The following ABCC2 variants were observed in gnomAD, a reference collection of about 807,000 sequenced individuals.
The protein encoded by ABCC2 is ATP-binding cassette sub-family C member 2.
ABCC2 carries 157 observed loss-of-function variants against 173.4 expected under a neutral mutation model. The observed-to-expected ratio is 0.91, with a 90% CI of 0.80 to 1.03. ABCC2 has a LOEUF of 1.03. Ranked by LOEUF, ABCC2 falls within the 50% of genes least tolerant of loss-of-function variation. The pLI is 0.00. For synonymous variants in ABCC2, 657 were observed against 693.5 expected, an observed-to-expected ratio of 0.95 and a Z score of 0.83; for missense variants, 1,822 against 1,852.3, an observed-to-expected ratio of 0.98 and a Z score of 0.30.
rs778300481 is a variant in ABCC2 at position 99,784,710 on chromosome 10, T to C, written c.136T>C (p.Trp46Arg). The C allele has an allele frequency of 1.1e-5, 18 of 1,614,106 alleles. No individual in the cohort carries two copies. In the Middle Eastern group the frequency reaches 1.5e-3, roughly 133 times the overall value. The change falls in exon 2 of 32, where the codon TGG becomes CGG. Residue 46 changes from tryptophan to arginine, a missense_variant. Coordinates refer to ENST00000647814, the MANE Select transcript of ABCC2 (RefSeq NM_000392.5). Reference protein sequence around the residue: ...PLGYLWLLAPWQLLHVYKSRT... With the variant: ...PLGYLWLLAPRQLLHVYKSRT... ...GGGCTACCTATGGCTCCTGGCCCCC[T>C]GGCAGCTTCTCCACGTGTATAAATC...
At chr10:99,838,134 C>T (rs1281351045) in intron 25 of ABCC2, among the ~76,000 whole-genome samples, 14 of 80,558 alleles carry the variant, frequency 1.7e-4, no homozygotes, top group Admixed American at 4.3e-4. Context: ...CCGGACGGGG[C>T]GGCTGGCCGG....
intron 12 of ABCC2, among the ~76,000 whole-genome samples, 162 bp from the exon 13 acceptor site, chr10:99,807,921 A>G (rs1192379673): frequency 6.6e-6 from 1 of 152,138 alleles, no homozygotes; most frequent in Non-Finnish European, 1.5e-5. Flanking sequence ...CTTGGAGAAG[A>G]TATTTCCTCC....
chr10:99,822,773 TTTTG>T (rs919010156), intron 19 of ABCC2, among the ~76,000 whole-genome samples: 1 of 152,218 alleles, frequency 6.6e-6, no homozygotes, highest in African/African-American at 2.4e-5. Flanking sequence ...TCCTGCTTCT[TTTTG>T]TTTAACTAAT....
At chr10:99,849,152 C>A (rs2039056038) in intron 30 of ABCC2, among the ~76,000 whole-genome samples, 1 of 152,176 alleles carries the variant, frequency 6.6e-6, no homozygotes, top group Admixed American at 6.5e-5. Context: ...ATCGCTTGAA[C>A]CCGGGTGGCG....
chr10:99,809,179 C>A (rs1402545367), intron 13 of ABCC2, among the ~76,000 whole-genome samples: 1 of 151,960 alleles, frequency 6.6e-6, no homozygotes, highest in Non-Finnish European at 1.5e-5. Flanking sequence ...ATGGTGAAAC[C>A]CCATCTCTAC....
intron 24 of ABCC2, among the ~76,000 whole-genome samples, chr10:99,834,784 G>A (rs182660631): frequency 6.6e-6 from 1 of 152,296 alleles, no homozygotes; most frequent in East Asian, 1.9e-4. Context: ...TTCACTCCCT[G>A]GAAGCTTAGG....
Position 99,804,208 on chromosome 10 carries a change from G to T in ABCC2, c.1399G>T (p.Val467Phe). ...GTTGGGACCCTCAGTCTTAGCAGGT[G>T]TTGGGGTGATGGTGCTTGTAATCCC... ...RELGPSVLAG[V>F]GVMVLVIPIN... The change falls in exon 10 of 32, where the codon GTT becomes TTT. Residue 467 changes from valine to phenylalanine, a missense_variant. By Grantham distance (50) the Val-to-Phe change is conservative (BLOSUM62 -1). Transcript: ENST00000647814. 6.2e-7 allele frequency: 1 copy of T among 1,614,158 alleles called. No homozygotes were observed. The highest frequency in any genetic ancestry group is 8.5e-7 in the Non-Finnish European group (1 of 1,180,008).
At chr10:99,821,437 A>G (rs1159183364) in intron 19 of ABCC2, among the ~76,000 whole-genome samples, 2 of 152,146 alleles carry the variant, frequency 1.3e-5, no homozygotes, top group East Asian at 3.9e-4. Context: ...ACGAGGCCAT[A>G]TTTCAGACTA....
chr10:99,793,315 T>G (rs2132970011), intron 3 of ABCC2, among the ~76,000 whole-genome samples: 1 of 152,296 alleles, frequency 6.6e-6, no homozygotes, highest in African/African-American at 2.4e-5. Context: ...TTCTACATTC[T>G]TGGCTAACAT....
At position 99,826,489 on chromosome 10, in the gene ABCC2, C is replaced by T. The variant is rs1199490794; in HGVS notation, c.2621-3818C>T. Among the ~76,000 whole-genome samples, 6 of 151,854 alleles carry T rather than the reference C, an allele frequency of 4.0e-5. No individual in the cohort carries two copies. In the East Asian group the frequency reaches 7.8e-4, roughly 20 times the overall value. On this transcript the variant is annotated intron_variant, in intron 19 of 31. Coordinates refer to ENST00000647814, the MANE Select transcript of ABCC2 (RefSeq NM_000392.5). ...TAGGGCTCTTTCGAACCTTGTCTTACTGTATTAAATGAGGGGCAGGCGCTT... is the reference window on the plus strand; with the variant it reads ...TAGGGCTCTTTCGAACCTTGTCTTATTGTATTAAATGAGGGGCAGGCGCTT...
chr10:99,799,673 A>G (rs191118296), intron 8 of ABCC2, among the ~76,000 whole-genome samples: 13 of 152,206 alleles, frequency 8.5e-5, no homozygotes, highest in Admixed American at 5.9e-4. Flanking sequence ...AGTGGCGGGT[A>G]GCATACCCCT....
intron 9 of ABCC2, among the ~76,000 whole-genome samples, chr10:99,801,141 T>G (rs2038009621): frequency 1.3e-5 from 2 of 152,328 alleles, no homozygotes; most frequent in Non-Finnish European, 2.9e-5. Flanking sequence ...TCATGCTGAT[T>G]ACTGAGTTCT....
At chr10:99,830,618 T>G in intron 20 of ABCC2, 98 bp from the exon 21 acceptor site, 1 of 1,594,982 alleles carries the variant, frequency 6.3e-7, no homozygotes, top group Non-Finnish European at 8.6e-7. Flanking sequence ...TCATCTGCCC[T>G]GAAATGCGCT....
rs759834448 is a variant in ABCC2, at chr10:99,836,297, C to A, written c.3614+7C>A. On this transcript the variant is annotated splice_region_variant and intron_variant, in intron 25 of 31. Transcript: ENST00000647814. ...CCTGGATCACCTCCAACAGGTGAGG[C>A]TTCCCCTGGGTATTTACCCATGTGT... is the stretch of plus-strand genomic sequence containing the variant. 1.2e-6 allele frequency: 2 copies of A among 1,614,100 alleles called. No individual in the cohort carries two copies. The highest frequency in any genetic ancestry group is 2.2e-5 in the South Asian group (2 of 91,086).
intron 11 of ABCC2, among the ~76,000 whole-genome samples, chr10:99,806,400 T>C (rs998289838): frequency 1.3e-5 from 2 of 152,188 alleles, no homozygotes; most frequent in African/African-American, 4.8e-5. Flanking sequence ...ATTTGAAGTT[T>C]GTAAAACCCA....
chr10:99,814,271 A>G lies in ABCC2; in HGVS notation c.2094+1127A>G, dbSNP rs1446354153. On this transcript the variant is annotated intron_variant, in intron 16 of 31. Coordinates refer to ENST00000647814, the MANE Select transcript of ABCC2 (RefSeq NM_000392.5). ...CACGTATGTATACACACGTATGTAT[A>G]CACACGTATGTATACACACACGTAT... 6.8e-5 allele frequency among the ~76,000 whole-genome samples: 2 copies of G among 29,254 alleles called. 1 individual carries two copies. The highest frequency in any genetic ancestry group is 1.4e-4 in the Non-Finnish European group (2 of 14,042). The allele number at this position is 29,254 out of a possible 152,430, so 19.2% of individuals were successfully genotyped here.
chr10:99,850,921 A>G, intron 31 of ABCC2, 125 bp downstream of exon 31: 1 of 1,214,556 alleles, frequency 8.2e-7, no homozygotes, highest in South Asian at 1.3e-5. Flanking sequence ...GAAGAAACTG[A>G]GACTTAGAGA....
chr10:99,848,572 CT>C (rs2039049652), intron 30 of ABCC2, among the ~76,000 whole-genome samples: 1 of 152,198 alleles, frequency 6.6e-6, no homozygotes, highest in Non-Finnish European at 1.5e-5. Flanking sequence ...CACCTGGGAG[CT>C]TGTTACATGT....
chr10:99,793,715 G>C, intron 4 of ABCC2, 30 bp downstream of exon 4: 1 of 1,614,018 alleles, frequency 6.2e-7, no homozygotes, highest in Middle Eastern at 1.7e-4. Flanking sequence ...ATGACATGAG[G>C]AGGTACCATG....
Sources: gnomAD v4.1 joint callset for allele counts (sites outside exome capture counted in the v4.1 genomes callset) on GRCh38, gnomAD v4.1.1 for gene constraint, MANE v1.5 for transcripts, NCBI Gene and HGNC (gene_info 2026-07-23, HGNC 2026-07-21) for gene names.